The following FRMD4B variants were observed in gnomAD, a reference collection of about 807,000 sequenced individuals.
FRMD4B encodes the protein FERM domain-containing protein 4B.
A neutral mutation model predicts 141.5 loss-of-function variants in FRMD4B; 74 were observed. The observed-to-expected ratio is 0.52, with a 90% CI of 0.43 to 0.63. The LOEUF (loss-of-function observed/expected upper bound fraction) is 0.63. Among genes scored for constraint, FRMD4B ranks in the 30% least tolerant of loss-of-function variants. The probability of loss-of-function intolerance (pLI) is 0.00; values close to 1 mark genes in which losing one functional copy is unlikely to be tolerated. For synonymous variants in FRMD4B, 506 were observed against 467.9 expected (o/e 1.08, Z -1.05); for missense variants, 1,366 against 1,253.4 (o/e 1.09, Z -1.36).
chr3:69,255,858 C>T (rs911569589), intron 5 of FRMD4B, among the ~76,000 whole-genome samples: 1 of 152,136 alleles, frequency 6.6e-6, no homozygotes, highest in Admixed American at 6.5e-5. Context: ...TGGAAAGGAG[C>T]TACTTGATGT....
chr3:69,505,902 C>G (rs1402883931), intron 1 of FRMD4B, among the ~76,000 whole-genome samples: 1 of 152,164 alleles, frequency 6.6e-6, no homozygotes, highest in Non-Finnish European at 1.5e-5. Flanking sequence ...AAGCCTTAGT[C>G]AGTGTGAATC....
intron 1 of FRMD4B, among the ~76,000 whole-genome samples, chr3:69,540,395 A>T (rs1051103724): frequency 6.6e-5 from 10 of 151,640 alleles, no homozygotes; most frequent in African/African-American, 2.4e-4. Context: ...CGGGCGGATC[A>T]CAAGGCCAGG....
intron 21 of FRMD4B, among the ~76,000 whole-genome samples, 173 bp from the exon 22 acceptor site, chr3:69,176,829 G>A (rs1200205830): frequency 6.6e-6 from 1 of 152,040 alleles, no homozygotes; most frequent in East Asian, 1.9e-4. Context: ...GTGACCTTAG[G>A]CAAGTAGTTT....
At chr3:69,536,157 C>A in intron 1 of FRMD4B, 1 of 525,430 alleles carries the variant, frequency 1.9e-6, no homozygotes. Context: ...TTCTGCACCT[C>A]TGCTGGCCTC....
Position 69,378,024 on chromosome 3 carries a change from T to C in FRMD4B, c.162+7804A>G, listed in dbSNP as rs139273646. 3.2e-4 allele frequency among the ~76,000 whole-genome samples: 48 copies of C among 151,434 alleles called. 1 individual carries two copies. Among genetic ancestry groups the C allele is most frequent in the African/African-American group, 1.0e-3 (42 of 41,236 alleles). ...TTAGTAGAGATGGGGTTTTGCCATA[T>C]TGGCCAGCTGGTCTCGAACTCCTGG... On this transcript the variant is annotated intron_variant, in intron 1 of 22. Transcript: ENST00000398540.
chr3:69,176,722 ATTCAGAGG>A, intron 21 of FRMD4B, 66 bp from the exon 22 acceptor site: 1 of 1,098,546 alleles, frequency 9.1e-7, no homozygotes, highest in Non-Finnish European at 1.4e-6. Flanking sequence ...TGTTAAGGTC[ATTCAGAGG>A]TACATTGCAA....
chr3:69,191,750 T>C (rs1280849956), intron 17 of FRMD4B, among the ~76,000 whole-genome samples: 1 of 152,216 alleles, frequency 6.6e-6, no homozygotes, highest in African/African-American at 2.4e-5. Context: ...AGTTTGAGGA[T>C]GGATGGGCCA....
At chr3:69,200,656 T>C in intron 11 of FRMD4B, 1 of 1,241,876 alleles carries the variant, frequency 8.1e-7, no homozygotes, top group Non-Finnish European at 1.0e-6. Flanking sequence ...GAGGGCAAAG[T>C]TCTCAGTGGC....
intron 11 of FRMD4B, among the ~76,000 whole-genome samples, chr3:69,206,242 C>T (rs1048412231): frequency 1.3e-5 from 2 of 152,048 alleles, no homozygotes; most frequent in South Asian, 2.1e-4. Context: ...CCCAGCTACT[C>T]GGGAGGCTGA....
At chr3:69,524,150 T>C (rs766996532) in intron 1 of FRMD4B, among the ~76,000 whole-genome samples, 2 of 152,236 alleles carry the variant, frequency 1.3e-5, no homozygotes, top group African/African-American at 2.4e-5. Context: ...TAATCCTGCC[T>C]GACTTGGTCA....
chr3:69,225,626 C>T (rs888777071), intron 7 of FRMD4B, among the ~76,000 whole-genome samples: 5 of 121,334 alleles, frequency 4.1e-5, no homozygotes, highest in South Asian at 5.5e-4. Flanking sequence ...ACCTGGGAAG[C>T]GCAGCTTGCA....
chr3:69,249,439 ATATTCCT>A (rs1449183618), intron 6 of FRMD4B, among the ~76,000 whole-genome samples, 191 bp from the exon 7 acceptor site: 7 of 152,230 alleles, frequency 4.6e-5, no homozygotes, highest in African/African-American at 1.7e-4. Context: ...CCTGTTAGGA[ATATTCCT>A]TATTCTTAAC....
At position 69,354,738 on chromosome 3, in the gene FRMD4B, C is replaced by T. The variant is rs1414563093; in HGVS notation, c.162+31090G>A. On this transcript the variant is annotated intron_variant, in intron 1 of 22. Coordinates refer to ENST00000398540, the MANE Select transcript of FRMD4B (RefSeq NM_015123.3). ...CACAAAATGTTAATCCCTCAGAAACCGGGGAGTGGCTTTATCTTCAGATCC... is the reference window on the plus strand; with the variant it reads ...CACAAAATGTTAATCCCTCAGAAACTGGGGAGTGGCTTTATCTTCAGATCC... Among the ~76,000 whole-genome samples, 5 of 152,000 alleles carry T rather than the reference C, an allele frequency of 3.3e-5. No homozygotes were observed. In the East Asian group the frequency reaches 5.8e-4, roughly 18 times the overall value.
Position 69,533,329 on chromosome 3 carries a change from C to G in FRMD4B, c.-129+8877G>C, listed in dbSNP as rs181050572. Among the ~76,000 whole-genome samples, 9 of 152,328 alleles carry G rather than the reference C, an allele frequency of 5.9e-5. No homozygotes were observed. In the East Asian group the frequency reaches 1.7e-3, roughly 29 times the overall value. ...TCTTGCAACATGGTGGCAAAGAGCA[C>G]AAACTCCATTCTGAGTTTGAATTGC... is the stretch of plus-strand genomic sequence containing the variant. On this transcript the variant is annotated intron_variant, in intron 1 of 5. Coordinates refer to the FRMD4B transcript ENST00000459638.
intron 5 of FRMD4B, among the ~76,000 whole-genome samples, chr3:69,250,594 ATTG>A (rs1198484972): frequency 6.6e-6 from 1 of 152,170 alleles, no homozygotes; most frequent in Non-Finnish European, 1.5e-5. Context: ...TCAATGACAC[ATTG>A]TTGAGTTCAT....
chr3:69,494,478 C>A (rs939737179), intron 1 of FRMD4B, among the ~76,000 whole-genome samples: 1 of 152,200 alleles, frequency 6.6e-6, no homozygotes, highest in Non-Finnish European at 1.5e-5. Flanking sequence ...CCCAGATAAA[C>A]GTATGTGGTC....
intron 1 of FRMD4B, among the ~76,000 whole-genome samples, chr3:69,451,128 G>A (rs937704685): frequency 6.6e-6 from 1 of 152,176 alleles, no homozygotes; most frequent in South Asian, 2.1e-4. Flanking sequence ...CAGGGCCCCA[G>A]GGACCTTTCC....
chr3:69,392,453 G>A (rs574904286), intron 2 of FRMD4B, among the ~76,000 whole-genome samples: 7 of 152,216 alleles, frequency 4.6e-5, no homozygotes, highest in African/African-American at 1.4e-4. Context: ...AATGCTTGTG[G>A]CAAGAAGGAT....
intron 1 of FRMD4B, among the ~76,000 whole-genome samples, chr3:69,518,745 T>C (rs1028756750): frequency 6.6e-6 from 1 of 152,116 alleles, no homozygotes; most frequent in Non-Finnish European, 1.5e-5. Flanking sequence ...TGGGGAGCTA[T>C]AATGTTTAGG....
Sources: gnomAD v4.1 joint callset for allele counts (sites outside exome capture counted in the v4.1 genomes callset) on GRCh38, gnomAD v4.1.1 for gene constraint, MANE v1.5 for transcripts, NCBI Gene and HGNC (gene_info 2026-07-23, HGNC 2026-07-21) for gene names.